NUP210: variants seen among roughly 807,000 people sequenced by gnomAD.
NUP210 encodes the protein nuclear pore membrane glycoprotein 210.
Under a neutral mutation model 196.0 loss-of-function variants are expected in NUP210, and 151 were observed. That is an observed-to-expected ratio of 0.77 (90% CI 0.67 to 0.88). The LOEUF (loss-of-function observed/expected upper bound fraction) is 0.88, where lower values mean the gene tolerates loss of function less well. Among genes scored for constraint, NUP210 ranks in the 40% least tolerant of loss-of-function variants. NUP210 has a pLI of 0.00. For missense variants in NUP210, 2,314 were observed against 2,493.7 expected, an observed-to-expected ratio of 0.93 and a Z score of 1.53; for synonymous variants, 1,070 against 1,052.7, an observed-to-expected ratio of 1.02 and a Z score of -0.32.
rs562050457 is a variant in NUP210, at chr3:13,370,526, T to C, written c.1786+1308A>G. On this transcript the variant is annotated intron_variant, in intron 13 of 39. Coordinates refer to ENST00000254508, the MANE Select transcript of NUP210 (RefSeq NM_024923.4). ...CCTCCCGGGGACCTGAGCCCATGCC[T>C]GAGCAGCACCCTGCAGACTCCCTCC... is the stretch of plus-strand genomic sequence containing the variant. Among the ~76,000 whole-genome samples the C allele has an allele frequency of 3.3e-5, 5 of 152,262 alleles. No individual in the cohort carries two copies. The South Asian group carries it at 1.0e-3, about 32-fold the overall frequency.
chr3:13,416,921 G>A (rs986004479), intron 1 of NUP210, among the ~76,000 whole-genome samples: 4 of 152,196 alleles, frequency 2.6e-5, no homozygotes, highest in Non-Finnish European at 5.9e-5. Context: ...GGAAGATTAT[G>A]GCATGATTTC....
At chr3:13,398,278 A>T (rs956537657) in intron 2 of NUP210, among the ~76,000 whole-genome samples, 1 of 152,162 alleles carries the variant, frequency 6.6e-6, no homozygotes, top group Non-Finnish European at 1.5e-5. Context: ...CATCTTTATT[A>T]AAAATACAAG....
intron 14 of NUP210, among the ~76,000 whole-genome samples, chr3:13,361,558 T>C (rs1698372272): frequency 6.6e-6 from 1 of 152,144 alleles, no homozygotes; most frequent in African/African-American, 2.4e-5. Flanking sequence ...GGATTCACTC[T>C]GAGGGGTCCC....
At position 13,420,296 on chromosome 3, in the gene NUP210, G is replaced by T; in HGVS notation, c.-70C>A. On this transcript the variant is annotated 5_prime_UTR_variant, in exon 1 of 40. Coordinates refer to ENST00000254508, the MANE Select transcript of NUP210 (RefSeq NM_024923.4). The surrounding 1 kb of genome is among the most constrained non-coding windows in gnomAD (Gnocchi z 4.8). The stretch of plus-strand genomic sequence containing the variant: ...CGCCGCCCCGTTGCCCTCCGCTCCC[G>T]CCCGCGCGCGCGCCAGGCCAGCAGG... The T allele has an allele frequency of 1.0e-6, 1 of 962,898 alleles. No individual in the cohort carries two copies. The highest frequency in any genetic ancestry group is 1.2e-6 in the Non-Finnish European group (1 of 804,540). 59.6% of individuals were successfully genotyped at this position (962,898 alleles called of 1,614,324 possible).
At chr3:13,334,422 C>T (rs866015581) in intron 28 of NUP210, among the ~76,000 whole-genome samples, 8 of 151,618 alleles carry the variant, frequency 5.3e-5, no homozygotes, top group Non-Finnish European at 1.0e-4. Context: ...GCATGTGTGT[C>T]GTGTGTGTGT....
Position 13,365,990 on chromosome 3 carries a change from G to A in NUP210, c.1888C>T (p.His630Tyr). 6.2e-7 allele frequency: 1 copy of A among 1,614,224 alleles called. No homozygotes were observed. Among genetic ancestry groups the A allele is most frequent in the Non-Finnish European group, 8.5e-7 (1 of 1,180,028 alleles). ...GCAATGGTGATCTTGGCACTCAGGT[G>A]GACGTGGCCGTGTCTGTAGCTCACA... ...LLVSYRHGHV[H>Y]LSAKITIAAY... Residue 630 changes from histidine (H) to tyrosine (Y), a missense_variant, in exon 14 of 40, where the codon CAC becomes TAC. By Grantham distance (83) the His-to-Tyr change is moderately conservative. Coordinates refer to ENST00000254508, the MANE Select transcript of NUP210 (RefSeq NM_024923.4).
chr3:13,346,976 C>T (rs1375014728), intron 20 of NUP210: 2 of 983,646 alleles, frequency 2.0e-6, no homozygotes, highest in Non-Finnish European at 2.4e-6. Flanking sequence ...AGGGCGAGGA[C>T]TGGGGACGTG....
Position 13,376,164 on chromosome 3 carries a change from C to T in NUP210, c.1293+127G>A, listed in dbSNP as rs574518225. 111 of 894,870 alleles carry T rather than the reference C, an allele frequency of 1.2e-4. No homozygotes were observed. The African/African-American group carries it at 1.7e-3, about 14-fold the overall frequency. 55.4% of individuals were successfully genotyped at this position (894,870 alleles called of 1,614,324 possible). A position where few individuals can be genotyped will look rare whatever the true frequency, so the allele number is the denominator to read the frequency against. On this transcript the variant is annotated intron_variant, in intron 10 of 39. Coordinates refer to ENST00000254508, the MANE Select transcript of NUP210 (RefSeq NM_024923.4). The stretch of plus-strand genomic sequence containing the variant: ...AAAATAGAACCCAGGATGCAAGTAG[C>T]CCAAACAGGAAAAGGGATGCAGGTG...
chr3:13,379,604 G>A lies in NUP210; in HGVS notation c.935C>T (p.Ala312Val), dbSNP rs779722456. ...VLAQDTSMVT[A>V]LQLGQSSLVL... The stretch of plus-strand genomic sequence containing the variant: ...GAGGCTGCTCTGTCCCAGCTGCAGT[G>A]CAGTGACCATCGACGTGTCCTGGGC... The change falls in exon 7 of 40, where the codon GCA becomes GTA. Residue 312 changes from alanine (A) to valine (V), a missense_variant. By Grantham distance (64) the Ala-to-Val change is moderately conservative (BLOSUM62 0). Coordinates refer to ENST00000254508, the MANE Select transcript of NUP210 (RefSeq NM_024923.4). The surrounding 1 kb of genome is among the most constrained non-coding windows in gnomAD (Gnocchi z 4.2). The A allele has an allele frequency of 7.4e-6, 12 of 1,614,160 alleles. No homozygotes were observed. The Admixed American group carries it at 2.0e-4, about 27-fold the overall frequency.
At chr3:13,377,590 C>T (rs573953739) in intron 8 of NUP210, 28 bp from the exon 9 acceptor site, 12 of 1,553,424 alleles carry the variant, frequency 7.7e-6, no homozygotes, top group South Asian at 4.5e-5. Flanking sequence ...AGCCTGAGCA[C>T]TCAGGCCTCA....
intron 1 of NUP210, among the ~76,000 whole-genome samples, chr3:13,416,566 G>A (rs1239535927): frequency 6.6e-6 from 1 of 152,266 alleles, no homozygotes; most frequent in Non-Finnish European, 1.5e-5. Context: ...TAGGGCAGCA[G>A]AATCCTGCCT....
chr3:13,369,448 T>A (rs750093382), intron 13 of NUP210, among the ~76,000 whole-genome samples: 2 of 152,222 alleles, frequency 1.3e-5, no homozygotes, highest in Non-Finnish European at 2.9e-5. Context: ...TATTTTTAAT[T>A]TGTAGCCTGT....
chr3:13,341,832 A>T lies in NUP210; in HGVS notation c.3144T>A (p.Gly1048=). The T allele has an allele frequency of 6.2e-7, 1 of 1,611,874 alleles. No individual in the cohort carries two copies. Among genetic ancestry groups the T allele is most frequent in the Non-Finnish European group, 8.5e-7 (1 of 1,178,014 alleles). The change falls in exon 23 of 40, where the codon GGT becomes GGA. Residue 1048 remains glycine, a synonymous_variant. Coordinates refer to ENST00000254508, the MANE Select transcript of NUP210 (RefSeq NM_024923.4). ...DNYTITFLIR[G]VAIGQTSLTA... is the part of the protein sequence containing the mutation. ...TTAGACTGGTCTGGCCGATGGCCACACCGCGGATGAGGAATGTGATGGTGT... is the reference window on the plus strand; with the variant it reads ...TTAGACTGGTCTGGCCGATGGCCACTCCGCGGATGAGGAATGTGATGGTGT...
rs547669814 is a variant in NUP210 at position 13,351,632 on chromosome 3, C to T, written c.2835+247G>A. The T allele has an allele frequency of 1.1e-5, 5 of 438,330 alleles. No homozygotes were observed. In the Admixed American group the frequency reaches 2.0e-4, roughly 18 times the overall value. 27.2% of individuals were successfully genotyped at this position (438,330 alleles called of 1,614,324 possible). A position where few individuals can be genotyped will look rare whatever the true frequency, so the allele number is the denominator to read the frequency against. On this transcript the variant is annotated intron_variant, in intron 20 of 39. Coordinates refer to ENST00000254508, the MANE Select transcript of NUP210 (RefSeq NM_024923.4). Reference sequence around the variant, plus strand: ...TTCCTGTGTAGCTGGGACCACAGGCCTGTGCTACCATGCCCAGCTAATTTT... The same window carrying T: ...TTCCTGTGTAGCTGGGACCACAGGCTTGTGCTACCATGCCCAGCTAATTTT...
intron 29 of NUP210, among the ~76,000 whole-genome samples, chr3:13,331,025 T>G (rs906663336): frequency 3.9e-5 from 6 of 152,246 alleles, no homozygotes; most frequent in African/African-American, 1.4e-4. Flanking sequence ...CCTGGCATAG[T>G]GGAGGATGGG....
chr3:13,410,052 C>A (rs976199522), intron 1 of NUP210, among the ~76,000 whole-genome samples: 6 of 147,394 alleles, frequency 4.1e-5, no homozygotes, highest in Non-Finnish European at 8.9e-5. Context: ...TTAGTAGAAA[C>A]GGTTTCACCG....
At chr3:13,339,735 C>G in intron 25 of NUP210, 119 bp downstream of exon 25, 1 of 916,696 alleles carries the variant, frequency 1.1e-6, no homozygotes, top group Non-Finnish European at 1.7e-6. Flanking sequence ...TGACTGCAGA[C>G]CCAGGGGGCA....
chr3:13,337,764 C>A (rs1298013332), intron 26 of NUP210, 73 bp downstream of exon 26: 36 of 1,400,890 alleles, frequency 2.6e-5, no homozygotes, highest in Non-Finnish European at 3.4e-5. Context: ...TGGAGAAGCA[C>A]TCTAACTTGA....
chr3:13,353,310 G>C (rs566164345), intron 18 of NUP210, among the ~76,000 whole-genome samples: 12 of 152,278 alleles, frequency 7.9e-5, no homozygotes, highest in African/African-American at 2.9e-4. Flanking sequence ...CCCCCCATGA[G>C]GTGGCTGTCA....
Sources: gnomAD v4.1 joint callset for allele counts (sites outside exome capture counted in the v4.1 genomes callset) on GRCh38, gnomAD v4.1.1 for gene constraint, Gnocchi (gnomAD v3.1) non-coding constraint, MANE v1.5 for transcripts, NCBI Gene and HGNC (gene_info 2026-07-23, HGNC 2026-07-21) for gene names.